Variants in COL9A1 observed in about 807,000 individuals in gnomAD.
The protein encoded by COL9A1 is collagen alpha-1(IX) chain.
In COL9A1, 104 loss-of-function variants were observed where a neutral mutation model predicts 142.6. The ratio of observed to expected loss-of-function variants is 0.73; its 90% CI spans 0.62 to 0.86. COL9A1 has a LOEUF of 0.86. Among genes scored for constraint, COL9A1 ranks in the 40% least tolerant of loss-of-function variants. COL9A1 has a pLI of 0.00. For missense variants in COL9A1, 1,210 were observed against 1,176.6 expected (o/e 1.03, Z -0.42); for synonymous variants, 466 against 396.0 (o/e 1.18, Z -2.10).
At chr6:70,279,949 A>G in intron 10 of COL9A1, 1 of 654,240 alleles carries the variant, frequency 1.5e-6, no homozygotes, top group Non-Finnish European at 2.9e-6. Context: ...GCACCATGGT[A>G]TGCTAAGAAC....
intron 21 of COL9A1, among the ~76,000 whole-genome samples, chr6:70,256,003 C>A (rs1198655934): frequency 6.6e-6 from 1 of 152,122 alleles, no homozygotes; most frequent in Admixed American, 6.5e-5. Flanking sequence ...CTACCTTATC[C>A]TTCCAATCTC....
intron 4 of COL9A1, among the ~76,000 whole-genome samples, chr6:70,296,165 A>T (rs1477783732): frequency 6.6e-6 from 1 of 152,146 alleles, no homozygotes; most frequent in Non-Finnish European, 1.5e-5. Flanking sequence ...ATCTCAACAA[A>T]TTTTATCACT....
chr6:70,282,889 C>G lies in COL9A1; in HGVS notation c.801+9G>C, dbSNP rs1562325729. ...TGAAAAATGCAAACACTCCCTGCCC[C>G]CAACTTACCTCGTCGGTGGTCTGGC... On this transcript the variant is annotated intron_variant, in intron 7 of 37. Transcript: ENST00000357250. 6 of 1,614,082 alleles carry G rather than the reference C, an allele frequency of 3.7e-6. No individual in the cohort carries two copies. The highest frequency in any genetic ancestry group is 5.1e-6 in the Non-Finnish European group (6 of 1,180,038).
At chr6:70,284,348 C>T (rs1480441846) in intron 5 of COL9A1, among the ~76,000 whole-genome samples, 1 of 152,120 alleles carries the variant, frequency 6.6e-6, no homozygotes, top group Non-Finnish European at 1.5e-5. Flanking sequence ...AATTTGCACA[C>T]TGGAGAAGAT....
chr6:70,280,930 C>T (rs1425494315), intron 9 of COL9A1, 56 bp from the exon 10 acceptor site: 1 of 1,612,514 alleles, frequency 6.2e-7, no homozygotes, highest in African/African-American at 1.3e-5. Context: ...AAAGTTGAGA[C>T]CCTTCAGAAA....
intron 10 of COL9A1, chr6:70,279,773 A>C (rs550236439): frequency 2.3e-6 from 1 of 438,960 alleles, no homozygotes; most frequent in South Asian, 7.9e-5. Context: ...AACAGTAAAA[A>C]TCCAGTTATT....
intron 5 of COL9A1, 31 bp from the exon 6 acceptor site, chr6:70,283,851 G>GT (rs767449313): frequency 1.3e-6 from 2 of 1,529,154 alleles, no homozygotes; most frequent in Admixed American, 1.8e-5. Context: ...GTCAGGTAAG[G>GT]TTTTTTGGAC....
intron 37 of COL9A1, among the ~76,000 whole-genome samples, chr6:70,218,145 A>AAAT (rs557920792): frequency 3.3e-3 from 498 of 152,260 alleles, no homozygotes; most frequent in African/African-American, 0.011. Flanking sequence ...TTCGTCTTAA[A>AAAT]AATAATAATA....
Position 70,300,156 on chromosome 6 carries a change from C to G in COL9A1, c.186G>C (p.Gln62His), listed in dbSNP as rs889867128. The G allele has an allele frequency of 2.5e-6, 4 of 1,613,704 alleles. No homozygotes were observed. The highest frequency in any genetic ancestry group is 1.3e-5 in the African/African-American group (1 of 74,846). Residue 62 changes from glutamine (Q) to histidine (H), a missense_variant, in exon 4 of 38, where the codon CAG becomes CAC. Transcript: ENST00000357250. ...DDLPGFDLISQFQVDKAASRR... is the reference protein window; with the variant it reads ...DDLPGFDLISHFQVDKAASRR... ...TAGATGCTGCTTTATCTACCTGGAA[C>G]TGAGAGATCAGATCAAACCCTATAG...
rs149219288 is a variant in COL9A1, at chr6:70,240,502, G to A, written c.2079+187C>T. On this transcript the variant is annotated intron_variant, in intron 32 of 37. Coordinates refer to ENST00000357250, the MANE Select transcript of COL9A1 (RefSeq NM_001851.6). ...CTTGATCTTGGCTGCAATCTTGGGA[G>A]ACTTTTGTTAGCTGATAGGAGAAAC... Among the ~76,000 whole-genome samples the A allele has an allele frequency of 7.9e-5, 12 of 151,990 alleles. No individual in the cohort carries two copies. The South Asian group carries it at 2.5e-3, about 32-fold the overall frequency.
At position 70,254,534 on chromosome 6, in the gene COL9A1, A is replaced by T. The variant is rs772724846; in HGVS notation, c.1666-5T>A. On this transcript the variant is annotated splice_polypyrimidine_tract_variant and splice_region_variant and intron_variant, in intron 24 of 37. Coordinates refer to ENST00000357250, the MANE Select transcript of COL9A1 (RefSeq NM_001851.6). Reference sequence around the variant, plus strand: ...CCCAGGTTTTCCTGGTTCACCCTGCAAAAAAAGCTTTTATCACATGATTGA... The same window carrying T: ...CCCAGGTTTTCCTGGTTCACCCTGCTAAAAAAGCTTTTATCACATGATTGA... 3.7e-6 allele frequency: 6 copies of T among 1,613,328 alleles called. No homozygotes were observed. The highest frequency in any genetic ancestry group is 5.1e-6 in the Non-Finnish European group (6 of 1,179,402).
Position 70,281,605 on chromosome 6 carries a change from T to A in COL9A1, c.802-141A>T, listed in dbSNP as rs190081038. On this transcript the variant is annotated intron_variant, in intron 7 of 37. Coordinates refer to ENST00000357250, the MANE Select transcript of COL9A1 (RefSeq NM_001851.6). ...CGGGTTTTGCAACCCAACGCAAAAA[T>A]GTCTCAGACCTCCAAGCAAGCGCAG... is the stretch of plus-strand genomic sequence containing the variant. 1.5e-4 allele frequency: 92 copies of A among 617,960 alleles called. No individual in the cohort carries two copies. The East Asian group carries it at 2.5e-3, about 17-fold the overall frequency. 38.3% of individuals were successfully genotyped at this position (617,960 alleles called of 1,614,324 possible).
chr6:70,275,435 GTTCATGTATGC>G (rs1772695218), intron 10 of COL9A1, among the ~76,000 whole-genome samples: 1 of 131,618 alleles, frequency 7.6e-6, no homozygotes, highest in African/African-American at 3.7e-5. Flanking sequence ...AAGTATATAT[GTTCATGTATGC>G]CACTCGGTAT....
At position 70,283,758 on chromosome 6, in the gene COL9A1, A is replaced by T. The variant is rs1264012472; in HGVS notation, c.759T>A (p.His253Gln). The T allele has an allele frequency of 3.1e-6, 5 of 1,611,852 alleles. No homozygotes were observed. Among genetic ancestry groups the T allele is most frequent in the Non-Finnish European group, 4.2e-6 (5 of 1,179,210 alleles). Residue 253 changes from histidine to glutamine, a missense_variant, in exon 6 of 38, where the codon CAT becomes CAA. Transcript: ENST00000357250. ...TCACCGTTATTCTGGCTGGCAGCTC[A>T]TGGCAAGTTTCTCTCCTGGGCCGCA... ...DPLRPRRETC[H>Q]ELPARITPSQ...
intron 37 of COL9A1, among the ~76,000 whole-genome samples, chr6:70,224,658 G>C (rs1020817714): frequency 3.3e-5 from 5 of 152,090 alleles, no homozygotes; most frequent in African/African-American, 1.2e-4. Context: ...ATGGAGACAG[G>C]CACCTTTAGT....
At position 70,298,788 on chromosome 6, in the gene COL9A1, G is replaced by A. The variant is rs114629782; in HGVS notation, c.299+1255C>T. 2.5e-3 allele frequency among the ~76,000 whole-genome samples: 383 copies of A among 152,256 alleles called. 6 individuals carry two copies. Among genetic ancestry groups the A allele is most frequent in the African/African-American group, 8.4e-3 (348 of 41,554 alleles). ...ATTTTTAAAGCTTATTTAGCAACAC[G>A]ACTGGCACTTCCATACATGAAAAGA... On this transcript the variant is annotated intron_variant, in intron 4 of 37. Transcript: ENST00000357250.
At chr6:70,217,219 T>C (rs1768579579) in intron 37 of COL9A1, 138 bp from the exon 38 acceptor site, 5 of 753,848 alleles carry the variant, frequency 6.6e-6, no homozygotes, top group South Asian at 3.0e-5. Context: ...CTGGTGATGA[T>C]TGGTGATGAT....
At chr6:70,257,605 G>C (rs1771401174) in intron 20 of COL9A1, among the ~76,000 whole-genome samples, 1 of 152,030 alleles carries the variant, frequency 6.6e-6, no homozygotes, top group Non-Finnish European at 1.5e-5. Flanking sequence ...AAATTAGCCG[G>C]GTCTGTTGGC....
chr6:70,273,995 A>G, intron 12 of COL9A1, 52 bp downstream of exon 12: 1 of 1,231,186 alleles, frequency 8.1e-7, no homozygotes, highest in African/African-American at 1.6e-5. Flanking sequence ...CAATGGCAGA[A>G]TTTTACCTAA....
Sources: allele counts gnomAD v4.1 joint callset (sites outside exome capture counted in the v4.1 genomes callset), GRCh38; gene constraint gnomAD v4.1.1; transcripts MANE v1.5; gene names NCBI Gene and HGNC (gene_info 2026-07-23, HGNC 2026-07-21).